Variants in SULF1 observed in about 807,000 individuals in gnomAD.
SULF1 encodes the protein sulfatase 1, also known as extracellular sulfatase Sulf-1.
A neutral mutation model predicts 110.5 loss-of-function variants in SULF1; 46 were observed. The observed-to-expected ratio is 0.42, with a 90% CI of 0.33 to 0.53. The LOEUF (loss-of-function observed/expected upper bound fraction) is 0.53. Among genes scored for constraint, SULF1 ranks in the 20% least tolerant of loss-of-function variants. SULF1 has a pLI of 0.12. For missense variants in SULF1, 941 were observed against 1,094.2 expected (o/e 0.86, Z 1.98); for synonymous variants, 371 against 387.1 (o/e 0.96, Z 0.49).
At chr8:69,606,906 G>A (rs777790472) in intron 13 of SULF1, among the ~76,000 whole-genome samples, 4 of 152,186 alleles carry the variant, frequency 2.6e-5, no homozygotes, top group African/African-American at 4.8e-5. Context: ...GCCTGAATTC[G>A]TGGAACAAAG....
At chr8:69,552,265 C>A (rs572132300) in intron 3 of SULF1, among the ~76,000 whole-genome samples, 1 of 152,186 alleles carries the variant, frequency 6.6e-6, no homozygotes, top group Admixed American at 6.5e-5. Flanking sequence ...TTAAAGTGTC[C>A]AGTATTCTGA....
intron 13 of SULF1, among the ~76,000 whole-genome samples, chr8:69,617,658 C>T (rs186094323): frequency 5.3e-5 from 8 of 149,804 alleles, no homozygotes; most frequent in Non-Finnish European, 1.2e-4. Flanking sequence ...TGCCACAAAC[C>T]CAGGCCTGGA....
chr8:69,472,108 G>A (rs548231623), intron 1 of SULF1, among the ~76,000 whole-genome samples: 2 of 152,200 alleles, frequency 1.3e-5, no homozygotes, highest in African/African-American at 2.4e-5. Flanking sequence ...TACACGTTGA[G>A]GGAGAAATGA....
In SULF1 at chr8:69,658,834, A is replaced by G. The variant is rs1389329594; in HGVS notation, c.*299A>G. ...AGACCCAAGGCATAAGGTTGGGAAA[A>G]CACCTCATTTGACCTTGCCAGCTGA... On this transcript the variant is annotated 3_prime_UTR_variant, in exon 23 of 23. Transcript: ENST00000402687. 1 of 581,016 alleles carries G rather than the reference A, an allele frequency of 1.7e-6. No homozygotes were observed. Among genetic ancestry groups the G allele is most frequent in the Non-Finnish European group, 3.3e-6 (1 of 307,538 alleles). 36.0% of individuals were successfully genotyped at this position (581,016 alleles called of 1,614,324 possible).
chr8:69,546,829 T>C (rs974752139), intron 3 of SULF1, among the ~76,000 whole-genome samples: 10 of 152,232 alleles, frequency 6.6e-5, no homozygotes, highest in Non-Finnish European at 1.5e-4. Flanking sequence ...ACTCACTATA[T>C]TCTCATTACT....
At chr8:69,646,410 T>C (rs1811912670) in intron 22 of SULF1, among the ~76,000 whole-genome samples, 1 of 141,190 alleles carries the variant, frequency 7.1e-6, no homozygotes, top group South Asian at 2.3e-4. Flanking sequence ...GTGAGGTCAG[T>C]ACTATTATTA....
chr8:69,494,809 G>A (rs966956283), intron 1 of SULF1, among the ~76,000 whole-genome samples: 1 of 151,826 alleles, frequency 6.6e-6, no homozygotes, highest in African/African-American at 2.4e-5. Context: ...GAGCCTAGAA[G>A]GTGGAGACTA....
At chr8:69,621,315 G>C (rs749599011) in intron 14 of SULF1, 64 bp downstream of exon 14, 1 of 1,235,982 alleles carries the variant, frequency 8.1e-7, no homozygotes, top group Admixed American at 2.4e-5. Context: ...ACAATAGAGA[G>C]ACGAAAGGGT....
intron 3 of SULF1, among the ~76,000 whole-genome samples, chr8:69,503,827 G>A (rs1810979019): frequency 6.6e-6 from 1 of 151,632 alleles, no homozygotes; most frequent in Non-Finnish European, 1.5e-5. Flanking sequence ...AACGAACAGA[G>A]TCTTCCTTTG....
At position 69,643,325 on chromosome 8, in the gene SULF1, G is replaced by C. The variant is rs1165784970; in HGVS notation, c.2585+2484G>C. 2.0e-5 allele frequency among the ~76,000 whole-genome samples: 3 copies of C among 152,084 alleles called. No homozygotes were observed. The East Asian group carries it at 5.8e-4, about 29-fold the overall frequency. On this transcript the variant is annotated intron_variant, in intron 22 of 22. Transcript: ENST00000402687. ...CAGGAAAACTACTGTCTTCCAATGGGGTTCAACAGTTCAAAGCCCTCCATT... is the reference window on the plus strand; with the variant it reads ...CAGGAAAACTACTGTCTTCCAATGGCGTTCAACAGTTCAAAGCCCTCCATT...
At chr8:69,591,179 A>G (rs1261204200) in intron 8 of SULF1, among the ~76,000 whole-genome samples, 1 of 152,090 alleles carries the variant, frequency 6.6e-6, no homozygotes, top group African/African-American at 2.4e-5. Flanking sequence ...AGTTTATAAG[A>G]GCTCAGTTGC....
At chr8:69,487,135 G>A (rs1297395497) in intron 1 of SULF1, among the ~76,000 whole-genome samples, 1 of 152,184 alleles carries the variant, frequency 6.6e-6, no homozygotes, top group Admixed American at 6.5e-5. Flanking sequence ...GCTACTGCAG[G>A]CCAATTTATT....
chr8:69,604,985 T>C, intron 13 of SULF1, 53 bp downstream of exon 13: 1 of 1,595,776 alleles, frequency 6.3e-7, no homozygotes, highest in Non-Finnish European at 8.5e-7. Flanking sequence ...CCATCTCTAA[T>C]TTAGAAAATT....
chr8:69,559,724 T>G (rs535625792), intron 3 of SULF1, among the ~76,000 whole-genome samples: 1 of 152,336 alleles, frequency 6.6e-6, no homozygotes, highest in Admixed American at 6.5e-5. Flanking sequence ...TTCATGCTTT[T>G]CCTCAAGACA....
At chr8:69,615,196 A>G (rs151168533) in intron 13 of SULF1, among the ~76,000 whole-genome samples, 72 of 152,344 alleles carry the variant, frequency 4.7e-4, no homozygotes, top group African/African-American at 1.7e-3. Flanking sequence ...CCTGCAATGC[A>G]AAAAACATCC....
Position 69,589,120 on chromosome 8 carries a change from ACC to A in SULF1, c.716_717del (p.Pro239GlnfsTer9). 6.2e-7 allele frequency: 1 copy of A among 1,613,924 alleles called. No individual in the cohort carries two copies. The highest frequency in any genetic ancestry group is 8.5e-7 in the Non-Finnish European group (1 of 1,179,924). On this transcript the variant is annotated frameshift_variant, in exon 8 of 23. Coordinates refer to ENST00000402687, the MANE Select transcript of SULF1 (RefSeq NM_001128205.2). LOFTEE classifies it high-confidence loss of function. ...TCAGCCCCACAGTTTTCTAAACTGT[ACC>A]CCAATGCTTCCCAACACATGTAAGT...
intron 5 of SULF1, among the ~76,000 whole-genome samples, chr8:69,574,086 G>A (rs1369555592): frequency 6.6e-6 from 1 of 152,162 alleles, no homozygotes; most frequent in African/African-American, 2.4e-5. Flanking sequence ...CACCACCATT[G>A]CAACTGCAAC....
intron 22 of SULF1, among the ~76,000 whole-genome samples, chr8:69,651,641 T>C (rs962139694): frequency 5.3e-5 from 8 of 152,196 alleles, no homozygotes; most frequent in Non-Finnish European, 7.3e-5. Context: ...TCTTTAGATC[T>C]ATTAAATTAT....
intron 3 of SULF1, among the ~76,000 whole-genome samples, chr8:69,560,339 C>CT (rs5892203): frequency 0.59 from 87,646 of 149,020 alleles, 27,129 homozygotes; most frequent in African/African-American, 0.8. Flanking sequence ...TCCTGCCAGT[C>CT]TTTTTTTTTT....
Sources: allele counts gnomAD v4.1 joint callset (sites outside exome capture counted in the v4.1 genomes callset), GRCh38; gene constraint gnomAD v4.1.1; transcripts MANE v1.5; gene names NCBI Gene and HGNC (gene_info 2026-07-23, HGNC 2026-07-21).